Variants in SUMF1 observed in about 807,000 individuals in gnomAD.
SUMF1 encodes the protein sulfatase modifying factor 1.
Under a neutral mutation model 47.6 loss-of-function variants are expected in SUMF1, and 48 were observed. The ratio of observed to expected loss-of-function variants is 1.01; its 90% CI spans 0.80 to 1.28. SUMF1 has a LOEUF of 1.28. Among genes scored for constraint, SUMF1 ranks in the 50% most tolerant of loss-of-function variants. The pLI, the probability that SUMF1 is intolerant of heterozygous loss-of-function variation, is 0.00. For synonymous variants in SUMF1, 230 were observed against 192.1 expected (o/e 1.20, Z -1.63); for missense variants, 571 against 485.4 (o/e 1.18, Z -1.66).
At chr3:4,275,682 G>A (rs1039856726) in intron 8 of SUMF1, among the ~76,000 whole-genome samples, 1 of 152,116 alleles carries the variant, frequency 6.6e-6, no homozygotes, top group Non-Finnish European at 1.5e-5. Flanking sequence ...TTAGCTCTGG[G>A]GAGAAGAGAT....
chr3:4,421,985 A>G (rs1399870548), intron 3 of SUMF1, among the ~76,000 whole-genome samples: 2 of 152,196 alleles, frequency 1.3e-5, no homozygotes, highest in Non-Finnish European at 2.9e-5. Flanking sequence ...TTTCACATCA[A>G]CACAATCAGA....
intron 8 of SUMF1, among the ~76,000 whole-genome samples, chr3:4,326,521 G>GGTTTTTTTTTTTTTTT: frequency 1.1e-5 from 1 of 90,544 alleles, no homozygotes; most frequent in East Asian, 2.2e-4. Context: ...TTTTTCCAAG[G>GGTTTTTTTTTTTTTTT]GTTTTTTTTT....
intron 8 of SUMF1, among the ~76,000 whole-genome samples, chr3:4,183,447 GA>G (rs1398064083): frequency 1.3e-5 from 2 of 152,072 alleles, no homozygotes; most frequent in Non-Finnish European, 2.9e-5. Flanking sequence ...TACTCCTACT[GA>G]ATTTGTAATG....
chr3:4,108,973 T>C (rs923662412), intron 8 of SUMF1, among the ~76,000 whole-genome samples: 4 of 152,210 alleles, frequency 2.6e-5, no homozygotes, highest in South Asian at 4.2e-4. Context: ...CATTATGATG[T>C]TAGCTGGTGA....
At chr3:4,293,124 G>T (rs1697773508) in intron 8 of SUMF1, among the ~76,000 whole-genome samples, 1 of 152,178 alleles carries the variant, frequency 6.6e-6, no homozygotes, top group Admixed American at 6.5e-5. Flanking sequence ...ATTAAAGCTA[G>T]AGTCAGGGTT....
chr3:4,148,661 G>C (rs775893748), intron 8 of SUMF1, among the ~76,000 whole-genome samples: 2 of 152,156 alleles, frequency 1.3e-5, no homozygotes, highest in African/African-American at 4.8e-5. Flanking sequence ...AGCAGCCACA[G>C]TATACAAACA....
At chr3:4,245,599 C>A (rs535253043) in intron 8 of SUMF1, among the ~76,000 whole-genome samples, 1 of 152,316 alleles carries the variant, frequency 6.6e-6, no homozygotes, top group East Asian at 1.9e-4. Flanking sequence ...CTGCCTCATC[C>A]TTCCTCTGGA....
At chr3:4,115,429 T>C (rs1693399578) in intron 8 of SUMF1, among the ~76,000 whole-genome samples, 1 of 152,088 alleles carries the variant, frequency 6.6e-6, no homozygotes, top group South Asian at 2.1e-4. Context: ...CTAATTGAGC[T>C]GATTAACACA....
intron 8 of SUMF1, chr3:4,314,497 G>A (rs1486872120): frequency 2.6e-5 from 4 of 152,130 alleles, no homozygotes; most frequent in Admixed American, 6.5e-5. Context: ...ACTACCAGTA[G>A]TGAAAAATAT....
intron 8 of SUMF1, among the ~76,000 whole-genome samples, chr3:4,371,651 G>C (rs1053828014): frequency 6.6e-6 from 1 of 152,182 alleles, no homozygotes; most frequent in Non-Finnish European, 1.5e-5. Context: ...TAAAGACCCA[G>C]AGGGATTAAT....
chr3:4,356,366 G>A (rs946459853), downstream of SUMF1, among the ~76,000 whole-genome samples: 2 of 152,192 alleles, frequency 1.3e-5, no homozygotes, highest in Non-Finnish European at 2.9e-5. Context: ...AAAATGGGCT[G>A]CCAGTGGCTC....
At chr3:4,115,420 T>C (rs1258695756) in intron 8 of SUMF1, among the ~76,000 whole-genome samples, 1 of 152,114 alleles carries the variant, frequency 6.6e-6, no homozygotes, top group African/African-American at 2.4e-5. Context: ...GCAGAGGGCC[T>C]AATTGAGCTG....
chr3:4,190,517 C>T (rs1994272), intron 8 of SUMF1, among the ~76,000 whole-genome samples: 103,520 of 149,482 alleles, frequency 0.69, 35,575 homozygotes, highest in African/African-American at 0.75. Context: ...ATTATTAATA[C>T]GAGCTCTGTG....
chr3:4,307,944 G>A (rs1698255110), intron 8 of SUMF1, among the ~76,000 whole-genome samples: 1 of 152,016 alleles, frequency 6.6e-6, no homozygotes. Flanking sequence ...ACCTACTTGG[G>A]AGGCTGACCT....
At chr3:4,203,910 TTGATATCTCTA>T (rs886494694) in intron 8 of SUMF1, among the ~76,000 whole-genome samples, 2 of 152,014 alleles carry the variant, frequency 1.3e-5, no homozygotes, top group Admixed American at 1.3e-4. Context: ...TTTTAACTTT[TTGATATCTCTA>T]TCTTATACTT....
chr3:4,341,935 AAGG>A (rs1467122687), intron 8 of SUMF1, among the ~76,000 whole-genome samples: 2 of 152,242 alleles, frequency 1.3e-5, no homozygotes, highest in Non-Finnish European at 2.9e-5. Flanking sequence ...GTGCCACTCT[AAGG>A]ACATACAAGG....
At chr3:4,363,912 T>C (rs557807971) in intron 8 of SUMF1, among the ~76,000 whole-genome samples, 16 of 145,402 alleles carry the variant, frequency 1.1e-4, no homozygotes, top group African/African-American at 4.2e-4. Flanking sequence ...ATACCTAATT[T>C]ATTGAGAGTT....
At chr3:4,106,081 C>A (rs1693151374) in intron 8 of SUMF1, among the ~76,000 whole-genome samples, 1 of 151,898 alleles carries the variant, frequency 6.6e-6, no homozygotes, top group Non-Finnish European at 1.5e-5. Context: ...TACCAACAAA[C>A]TTTTCACTAT....
intron 8 of SUMF1, among the ~76,000 whole-genome samples, chr3:4,332,308 C>T (rs1053077655): frequency 1.3e-5 from 2 of 152,194 alleles, no homozygotes; most frequent in Admixed American, 1.3e-4. Context: ...TTACCTGTTT[C>T]CTGCCCTAAA....
Sources: gnomAD v4.1 joint callset for allele counts (sites outside exome capture counted in the v4.1 genomes callset) on GRCh38, gnomAD v4.1.1 for gene constraint, MANE v1.5 for transcripts, NCBI Gene and HGNC (gene_info 2026-07-23, HGNC 2026-07-21) for gene names.